Variants in MYO9B observed in about 807,000 individuals in gnomAD.
MYO9B encodes the protein unconventional myosin-IXb.
Under a neutral mutation model 229.5 loss-of-function variants are expected in MYO9B, and 71 were observed. That is an observed-to-expected ratio of 0.31 (90% CI 0.26 to 0.38). MYO9B has a LOEUF of 0.38. Among genes scored for constraint, MYO9B ranks in the 10% least tolerant of loss-of-function variants. The pLI, the probability that MYO9B is intolerant of heterozygous loss-of-function variation, is 1.00. For missense variants in MYO9B, 2,255 were observed against 2,920.5 expected, an observed-to-expected ratio of 0.77 and a Z score of 5.25; for synonymous variants, 1,185 against 1,235.8, an observed-to-expected ratio of 0.96 and a Z score of 0.86.
chr19:17,128,900 C>T (rs1297820255), intron 2 of MYO9B, among the ~76,000 whole-genome samples: 1 of 152,208 alleles, frequency 6.6e-6, no homozygotes, highest in Non-Finnish European at 1.5e-5. Flanking sequence ...TCTTTCAGCC[C>T]CTTTCTTTAG....
intron 24 of MYO9B, among the ~76,000 whole-genome samples, chr19:17,199,037 C>T (rs1204929773): frequency 6.6e-6 from 1 of 151,848 alleles, no homozygotes; most frequent in Non-Finnish European, 1.5e-5. Context: ...CTTGTCTCTG[C>T]AAAAAAATTT....
chr19:17,171,262 C>A (rs998060932), intron 11 of MYO9B, among the ~76,000 whole-genome samples: 1 of 152,206 alleles, frequency 6.6e-6, no homozygotes, highest in East Asian at 1.9e-4. Context: ...ATTTGCCAAA[C>A]CAACAACATC....
intron 18 of MYO9B, 145 bp downstream of exon 18, chr19:17,186,146 G>A (rs750028899): frequency 1.5e-6 from 1 of 672,632 alleles, no homozygotes; most frequent in Non-Finnish European, 2.6e-6. Context: ...TGGAGAATTA[G>A]CAGTGAGGAT....
At chr19:17,191,701 C>T (rs1230513066) in intron 20 of MYO9B, among the ~76,000 whole-genome samples, 1 of 152,118 alleles carries the variant, frequency 6.6e-6, no homozygotes, top group Non-Finnish European at 1.5e-5. Flanking sequence ...TCCAGCCAAG[C>T]GAGGTGGCAT....
chr19:17,153,089 C>T (rs1192933779), intron 4 of MYO9B, among the ~76,000 whole-genome samples: 1 of 152,144 alleles, frequency 6.6e-6, no homozygotes, highest in Non-Finnish European at 1.5e-5. Context: ...CTGCAGTGAG[C>T]TAGACACCAC....
chr19:17,148,982 T>C (rs1297438436), intron 3 of MYO9B, among the ~76,000 whole-genome samples: 2 of 152,050 alleles, frequency 1.3e-5, no homozygotes, highest in Non-Finnish European at 2.9e-5. Flanking sequence ...AAAGATCCTT[T>C]TTTATGTTTT....
intron 2 of MYO9B, among the ~76,000 whole-genome samples, chr19:17,140,537 G>A (rs1179050776): frequency 6.6e-6 from 1 of 151,676 alleles, no homozygotes; most frequent in African/African-American, 2.4e-5. Context: ...TGCCCAGGCT[G>A]GAGTGCAATG....
chr19:17,086,049 C>T (rs555074138), intron 1 of MYO9B, among the ~76,000 whole-genome samples: 20 of 152,300 alleles, frequency 1.3e-4, no homozygotes, highest in African/African-American at 4.3e-4. Flanking sequence ...TGTCAGCTCC[C>T]GCCAAGGCAC....
intron 2 of MYO9B, among the ~76,000 whole-genome samples, chr19:17,110,865 C>T (rs1223197940): frequency 6.6e-6 from 1 of 152,104 alleles, no homozygotes; most frequent in Non-Finnish European, 1.5e-5. Flanking sequence ...CTGCCCCAGA[C>T]CCCCCTCTTG....
chr19:17,135,952 G>T (rs1445424326), intron 2 of MYO9B, among the ~76,000 whole-genome samples: 3 of 152,172 alleles, frequency 2.0e-5, no homozygotes, highest in East Asian at 1.9e-4. Context: ...GTACTACGGG[G>T]ACCCTGACTC....
chr19:17,199,690 CTTTTTTTTTCTT>C (rs752031937), intron 24 of MYO9B, among the ~76,000 whole-genome samples: 26 of 72,076 alleles, frequency 3.6e-4, no homozygotes, highest in African/African-American at 1.2e-3. Context: ...ATTTTTTTTT[CTTTTTTTTTCTT>C]TTTTTTTTTT....
At chr19:17,181,673 A>G (rs1331602699) in intron 15 of MYO9B, among the ~76,000 whole-genome samples, 1 of 152,200 alleles carries the variant, frequency 6.6e-6, no homozygotes, top group African/African-American at 2.4e-5. Context: ...TTTAGTGGCC[A>G]TTGGGGTGTG....
At chr19:17,154,242 A>T in intron 5 of MYO9B, 73 bp from the exon 6 acceptor site, 1 of 1,471,866 alleles carries the variant, frequency 6.8e-7, no homozygotes, top group Non-Finnish European at 9.4e-7. Flanking sequence ...CACCAGCTCC[A>T]GCCAAAATCA....
At chr19:17,205,400 G>A in intron 31 of MYO9B, 64 bp downstream of exon 31, 1 of 1,507,164 alleles carries the variant, frequency 6.6e-7, no homozygotes, top group Non-Finnish European at 9.2e-7. Flanking sequence ...TGCACCAGGA[G>A]GTGGTGCTTG....
At chr19:17,189,651 A>G (rs746910692) in intron 19 of MYO9B, among the ~76,000 whole-genome samples, 2 of 152,006 alleles carry the variant, frequency 1.3e-5, no homozygotes, top group African/African-American at 4.8e-5. Context: ...TCCAGCTACA[A>G]TCTAACTCCC....
chr19:17,212,639 CCTTAA>C lies in MYO9B; in HGVS notation c.*330_*334del. The C allele has an allele frequency of 8.9e-6, 3 of 335,478 alleles. No individual in the cohort carries two copies. The South Asian group carries it at 2.9e-4, about 32-fold the overall frequency. The allele number at this position is 335,478 out of a possible 1,614,324, so 20.8% of individuals were successfully genotyped here. A position where few individuals can be genotyped will look rare whatever the true frequency, so the allele number is the denominator to read the frequency against. On this transcript the variant is annotated 3_prime_UTR_variant, in exon 40 of 40. Transcript: ENST00000682292. The surrounding 1 kb of genome is among the most constrained non-coding windows in gnomAD (Gnocchi z 5.4). ...TTTACGTAACTTTAAACTGTAACAG[CCTTAA>C]TGGAAGACCAAATGGTTTTTTATAT... is the stretch of plus-strand genomic sequence containing the variant.
At chr19:17,154,541 C>A in intron 6 of MYO9B, 126 bp downstream of exon 6, 1 of 647,684 alleles carries the variant, frequency 1.5e-6, no homozygotes, top group Non-Finnish European at 2.6e-6. Flanking sequence ...CTGAACAGTG[C>A]CGCCATAGGG....
At chr19:17,107,997 G>C (rs2057808823) in intron 2 of MYO9B, among the ~76,000 whole-genome samples, 1 of 152,208 alleles carries the variant, frequency 6.6e-6, no homozygotes, top group African/African-American at 2.4e-5. Flanking sequence ...AGTCCCACTT[G>C]GTGACATCTT....
At chr19:17,154,612 T>C (rs745316352) in intron 6 of MYO9B, among the ~76,000 whole-genome samples, 197 bp downstream of exon 6, 1 of 152,186 alleles carries the variant, frequency 6.6e-6, no homozygotes, top group Non-Finnish European at 1.5e-5. Flanking sequence ...CATTAGGCGA[T>C]GCCAATTAAA....
Sources: gnomAD v4.1 joint callset for allele counts (sites outside exome capture counted in the v4.1 genomes callset) on GRCh38, gnomAD v4.1.1 for gene constraint, Gnocchi (gnomAD v3.1) non-coding constraint, MANE v1.5 for transcripts, NCBI Gene and HGNC (gene_info 2026-07-23, HGNC 2026-07-21) for gene names.